Variants in EPB41L3 observed in about 807,000 individuals in gnomAD.
EPB41L3 encodes the protein band 4.1-like protein 3.
EPB41L3 carries 57 observed loss-of-function variants against 127.1 expected under a neutral mutation model. The ratio of observed to expected loss-of-function variants is 0.45; its 90% confidence interval spans 0.36 to 0.56. EPB41L3 has a LOEUF of 0.56. EPB41L3 is among the 20% of genes least tolerant of loss of function. The probability of loss-of-function intolerance (pLI) is 0.00; values close to 1 mark genes in which losing one functional copy is unlikely to be tolerated. For missense variants in EPB41L3, 1,273 were observed against 1,372.2 expected (o/e 0.93, Z 1.14); for synonymous variants, 572 against 549.5 (o/e 1.04, Z -0.57).
intron 2 of EPB41L3, among the ~76,000 whole-genome samples, chr18:5,487,646 C>T (rs1412377212): frequency 2.6e-5 from 4 of 151,614 alleles, no homozygotes; most frequent in Non-Finnish European, 4.4e-5. Context: ...CGTGCACCAC[C>T]ACACTCAGCT....
chr18:5,630,305 C>G (rs1200318386), upstream of EPB41L3: 2 of 507,494 alleles, frequency 3.9e-6, no homozygotes, highest in South Asian at 1.4e-5. Context: ...GGCCCGCACC[C>G]GCGCCCCTGC....
intron 3 of EPB41L3, chr18:5,610,231 G>A: frequency 1.0e-6 from 1 of 985,306 alleles, no homozygotes; most frequent in Non-Finnish European, 1.2e-6. Flanking sequence ...GAGACAAGAA[G>A]GGTGAGCAAA....
intron 1 of EPB41L3, among the ~76,000 whole-genome samples, chr18:5,519,885 C>T (rs778489996): frequency 6.6e-5 from 10 of 152,152 alleles, no homozygotes; most frequent in Non-Finnish European, 1.0e-4. Context: ...ACTAGAATGA[C>T]GAATATCCTT....
intron 3 of EPB41L3, among the ~76,000 whole-genome samples, chr18:5,578,276 AG>A (rs1199630992): frequency 6.6e-6 from 1 of 152,254 alleles, no homozygotes; most frequent in Admixed American, 6.5e-5. Context: ...AGATAAAAAA[AG>A]ATCTCAAAAT....
At chr18:5,475,583 A>G (rs2087014676) in intron 3 of EPB41L3, among the ~76,000 whole-genome samples, 1 of 152,212 alleles carries the variant, frequency 6.6e-6, no homozygotes, top group East Asian at 1.9e-4. Context: ...TTGGTTCACG[A>G]TGAGTTTGTA....
chr18:5,565,831 G>C (rs2094191988), intron 3 of EPB41L3, among the ~76,000 whole-genome samples: 1 of 151,818 alleles, frequency 6.6e-6, no homozygotes, highest in African/African-American at 2.4e-5. Context: ...GCTGCATAGT[G>C]TTCCATGGTG....
chr18:5,413,685 C>T (rs979894465), intron 13 of EPB41L3, among the ~76,000 whole-genome samples: 3 of 152,146 alleles, frequency 2.0e-5, no homozygotes, highest in Non-Finnish European at 2.9e-5. Flanking sequence ...GAATGCACAG[C>T]TCTTAACACT....
At chr18:5,419,591 G>T in intron 12 of EPB41L3, 120 bp downstream of exon 12, 1 of 1,317,744 alleles carries the variant, frequency 7.6e-7, no homozygotes, top group Non-Finnish European at 1.0e-6. Flanking sequence ...ATATGAATGT[G>T]ACCAGTGCTG....
Position 5,416,308 on chromosome 18 carries a change from G to A in EPB41L3, c.1577C>T (p.Thr526Ile), listed in dbSNP as rs1456672482. 1 of 1,614,144 alleles carries A rather than the reference G, an allele frequency of 6.2e-7. No homozygotes were observed. The highest frequency in any genetic ancestry group is 1.7e-5 in the Admixed American group (1 of 60,032). ...CTCCTTACACCTCCTACGGAGCTCT[G>A]TGGGAGATGTGGGGGCACAATGGGT... Reference protein sequence around the residue: ...PSTHCAPTSPTELRRRCKEND... With the variant: ...PSTHCAPTSPIELRRRCKEND... The change falls in exon 13 of 23, where the codon ACA (threonine) becomes ATA (isoleucine). Residue 526 changes from threonine (T) to isoleucine (I), a missense_variant. Coordinates refer to ENST00000341928, the MANE Select transcript of EPB41L3 (RefSeq NM_012307.5).
Position 5,575,456 on chromosome 18 carries a change from T to C in EPB41L3, c.-306+36884A>G, listed in dbSNP as rs1169612357. On this transcript the variant is annotated intron_variant, in intron 3 of 21. Coordinates refer to the EPB41L3 transcript ENST00000545076. ...AGCTGGTACTTCCTTTCTTTTTCTC[T>C]TGCTCCTTCTCTTGCCATGTGACAC... Among the ~76,000 whole-genome samples, 6 of 152,232 alleles carry C rather than the reference T, an allele frequency of 3.9e-5. No individual in the cohort carries two copies. In the East Asian group the frequency reaches 1.2e-3, roughly 30 times the overall value.
chr18:5,458,295 G>A (rs547178390), intron 3 of EPB41L3, among the ~76,000 whole-genome samples: 46 of 152,214 alleles, frequency 3.0e-4, no homozygotes, highest in Non-Finnish European at 5.7e-4. Context: ...TCATATAAAG[G>A]TTAACTTCCC....
chr18:5,445,268 C>T (rs1369435305), intron 3 of EPB41L3, 24 bp from the exon 4 acceptor site: 10 of 1,549,488 alleles, frequency 6.5e-6, no homozygotes, highest in African/African-American at 1.4e-5. Flanking sequence ...AATAGCAAAG[C>T]AAGTCAATAC....
chr18:5,581,566 A>G (rs1163895158), intron 3 of EPB41L3, among the ~76,000 whole-genome samples: 3 of 152,240 alleles, frequency 2.0e-5, no homozygotes, highest in East Asian at 1.9e-4. Flanking sequence ...ATCTCAACAT[A>G]TAAGAACCAA....
At chr18:5,400,933 A>G (rs1029056218) in intron 16 of EPB41L3, 7 of 1,399,836 alleles carry the variant, frequency 5.0e-6, no homozygotes, top group Admixed American at 2.0e-5. Flanking sequence ...CTGAAGACCA[A>G]TTTCTTCTGG....
chr18:5,544,111 C>G (rs1022072306), upstream of EPB41L3: 58 of 985,422 alleles, frequency 5.9e-5, no homozygotes, highest in Non-Finnish European at 6.7e-5. Flanking sequence ...GCCCAGAGAC[C>G]GTGCGAGGAA....
At chr18:5,434,208 A>G (rs1175954331) in intron 6 of EPB41L3, 87 bp from the exon 7 acceptor site, 1 of 1,020,370 alleles carries the variant, frequency 9.8e-7, no homozygotes, top group East Asian at 2.5e-5. Flanking sequence ...TGGGCAAATA[A>G]TTTCTCCCTG....
intron 3 of EPB41L3, among the ~76,000 whole-genome samples, chr18:5,557,410 G>C (rs112336757): frequency 0.045 from 6,835 of 152,170 alleles, 290 homozygotes; most frequent in African/African-American, 0.1. Flanking sequence ...TTGAGACAGG[G>C]TCTCACTCTC....
At chr18:5,576,289 GT>G (rs2149270430) in intron 3 of EPB41L3, among the ~76,000 whole-genome samples, 1 of 152,286 alleles carries the variant, frequency 6.6e-6, no homozygotes, top group East Asian at 1.9e-4. Flanking sequence ...TAGTAGGATT[GT>G]TTTTGAAAGT....
intron 6 of EPB41L3, among the ~76,000 whole-genome samples, chr18:5,436,403 C>CTTTTTTTTTTT (rs34862547): frequency 5.4e-4 from 54 of 100,628 alleles, no homozygotes; most frequent in Middle Eastern, 7.6e-3. Context: ...CATTTTCTTT[C>CTTTTTTTTTTT]TTTTTTTTTT....
Sources: gnomAD v4.1 joint callset for allele counts (sites outside exome capture counted in the v4.1 genomes callset) on GRCh38, gnomAD v4.1.1 for gene constraint, MANE v1.5 for transcripts, NCBI Gene and HGNC (gene_info 2026-07-23, HGNC 2026-07-21) for gene names.